Variants in ADCY10 observed in about 807,000 individuals in gnomAD.
ADCY10 encodes adenylate cyclase 10, also known as adenylate cyclase type 10.
A neutral mutation model predicts 183.3 loss-of-function variants in ADCY10; 156 were observed. The ratio of observed to expected loss-of-function variants is 0.85; its 90% CI spans 0.75 to 0.97. The LOEUF (loss-of-function observed/expected upper bound fraction) is 0.97, where lower values mean the gene tolerates loss of function less well. Ranked by LOEUF, ADCY10 falls within the 50% of genes least tolerant of loss-of-function variation. ADCY10 has a pLI of 0.00. For synonymous variants in ADCY10, 645 were observed against 670.0 expected, an observed-to-expected ratio of 0.96 and a Z score of 0.58; for missense variants, 1,745 against 1,934.3, an observed-to-expected ratio of 0.90 and a Z score of 1.84.
intron 21 of ADCY10, among the ~76,000 whole-genome samples, chr1:167,838,345 C>A (rs192979205): frequency 6.6e-6 from 1 of 152,306 alleles, no homozygotes; most frequent in Admixed American, 6.5e-5. Flanking sequence ...TGAATTATGA[C>A]CCTGTCCCCC....
chr1:167,828,282 G>A (rs1004375120), intron 26 of ADCY10, among the ~76,000 whole-genome samples: 1 of 152,122 alleles, frequency 6.6e-6, no homozygotes, highest in African/African-American at 2.4e-5. Flanking sequence ...GATTCTCCTT[G>A]GAACCACTTG....
At chr1:167,907,848 A>C (rs977780364) in intron 1 of ADCY10, among the ~76,000 whole-genome samples, 1 of 152,256 alleles carries the variant, frequency 6.6e-6, no homozygotes, top group African/African-American at 2.4e-5. Context: ...ACAAAATTAT[A>C]GGAATAAAGA....
chr1:167,888,550 T>G (rs1180378017), intron 8 of ADCY10, among the ~76,000 whole-genome samples: 1 of 152,210 alleles, frequency 6.6e-6, no homozygotes, highest in East Asian at 1.9e-4. Flanking sequence ...TCTTGATTTC[T>G]TTTTCAGATT....
At chr1:167,888,557 G>T (rs1668382119) in intron 8 of ADCY10, among the ~76,000 whole-genome samples, 2 of 151,920 alleles carry the variant, frequency 1.3e-5, no homozygotes. Flanking sequence ...TTCTTTTTCA[G>T]ATTGTTCCCT....
intron 21 of ADCY10, among the ~76,000 whole-genome samples, chr1:167,840,063 A>G (rs962628381): frequency 5.3e-5 from 8 of 151,726 alleles, no homozygotes; most frequent in African/African-American, 9.7e-5. Context: ...TAAAAAAAAA[A>G]AAAAGAAAAG....
In ADCY10 at chr1:167,880,184, A is replaced by C; in HGVS notation, c.1147T>G (p.Ser383Ala). 6.2e-7 allele frequency: 1 copy of C among 1,612,846 alleles called. No individual in the cohort carries two copies. Among genetic ancestry groups the C allele is most frequent in the Non-Finnish European group, 8.5e-7 (1 of 1,179,390 alleles). Residue 383 changes from serine to alanine, a missense_variant, in exon 11 of 33, where the codon TCC becomes GCC. By Grantham distance (99) the Ser-to-Ala change is moderately conservative (BLOSUM62 1). Coordinates refer to ENST00000367851, the MANE Select transcript of ADCY10 (RefSeq NM_018417.6). The part of the protein sequence containing the change: ...CSQVHKIQTV[S>A]IGVASGIVFC... ...ACAATCCCACTGGCAACACCGATGG[A>C]TACAGTTCTGGTGCAGGGGAGACAA...
At chr1:167,833,335 A>G (rs1663920094) in intron 24 of ADCY10, among the ~76,000 whole-genome samples, 173 bp from the exon 25 acceptor site, 1 of 152,214 alleles carries the variant, frequency 6.6e-6, no homozygotes, top group Non-Finnish European at 1.5e-5. Context: ...GGATATATGC[A>G]TGAAGGGTGG....
intron 31 of ADCY10, among the ~76,000 whole-genome samples, chr1:167,812,684 C>A (rs940766390): frequency 6.6e-6 from 1 of 152,168 alleles, no homozygotes. Context: ...TGAAAAAGAC[C>A]TAATGGCAGA....
rs561783157 is a variant in ADCY10, at chr1:167,852,139, T to C, written c.2308+2214A>G. ...TTTAAATAGAGAAGACACCTGATTG[T>C]GTTTTAAAAAGCTCATAACAGGGCC... On this transcript the variant is annotated intron_variant, in intron 18 of 32. Coordinates refer to ENST00000367851, the MANE Select transcript of ADCY10 (RefSeq NM_018417.6). Among the ~76,000 whole-genome samples, 8 of 152,236 alleles carry C rather than the reference T, an allele frequency of 5.3e-5. 1 individual carries two copies. In the South Asian group the frequency reaches 1.7e-3, roughly 32 times the overall value.
chr1:167,883,178 C>G (rs561944178), intron 9 of ADCY10, among the ~76,000 whole-genome samples: 1 of 152,376 alleles, frequency 6.6e-6, no homozygotes, highest in South Asian at 2.1e-4. Flanking sequence ...GCTGAGATTA[C>G]AGGCACGTGC....
intron 14 of ADCY10, among the ~76,000 whole-genome samples, chr1:167,865,186 A>T (rs1214922616): frequency 6.6e-6 from 1 of 152,200 alleles, no homozygotes; most frequent in Non-Finnish European, 1.5e-5. Context: ...TACTTTTGGT[A>T]AAAAGATTAG....
intron 14 of ADCY10, among the ~76,000 whole-genome samples, chr1:167,865,832 C>T (rs1429825031): frequency 2.0e-5 from 3 of 152,230 alleles, no homozygotes; most frequent in Non-Finnish European, 2.9e-5. Flanking sequence ...CATTGTCCCC[C>T]TTCCACTAAA....
rs765556514 is a variant in ADCY10 at position 167,880,612 on chromosome 1, G to T, written c.1021-3C>A. Reference sequence around the variant, plus strand: ...AAGACACAGAGGAAAGAGCAGCCCTGTGAGGGAGAGAGACAGCAACCACAG... The same window carrying T: ...AAGACACAGAGGAAAGAGCAGCCCTTTGAGGGAGAGAGACAGCAACCACAG... On this transcript the variant is annotated splice_region_variant and splice_polypyrimidine_tract_variant and intron_variant, in intron 9 of 32. Coordinates refer to ENST00000367851, the MANE Select transcript of ADCY10 (RefSeq NM_018417.6). 6.2e-7 allele frequency: 1 copy of T among 1,603,860 alleles called. No individual in the cohort carries two copies. The highest frequency in any genetic ancestry group is 1.1e-5 in the South Asian group (1 of 90,890).
chr1:167,881,363 A>C (rs143408457), intron 9 of ADCY10, among the ~76,000 whole-genome samples: 2 of 152,336 alleles, frequency 1.3e-5, no homozygotes, highest in East Asian at 3.9e-4. Flanking sequence ...AGTTTTTGAC[A>C]TGTTACATCC....
chr1:167,826,952 A>T (rs567972094), intron 26 of ADCY10, among the ~76,000 whole-genome samples: 5 of 152,226 alleles, frequency 3.3e-5, no homozygotes, highest in African/African-American at 9.6e-5. Flanking sequence ...CTAGAAGAGG[A>T]TGGGAAATAG....
chr1:167,874,213 C>T (rs1319834584), intron 13 of ADCY10, among the ~76,000 whole-genome samples: 1 of 152,126 alleles, frequency 6.6e-6, no homozygotes, highest in Non-Finnish European at 1.5e-5. Context: ...CACCTGTAAT[C>T]CCAGCTACTC....
intron 14 of ADCY10, among the ~76,000 whole-genome samples, chr1:167,864,804 A>C (rs1666564438): frequency 6.6e-6 from 1 of 151,986 alleles, no homozygotes; most frequent in South Asian, 2.1e-4. Context: ...TCCCGAAAGC[A>C]CTGAGGCCTT....
chr1:167,874,776 T>C (rs188560515), intron 13 of ADCY10, among the ~76,000 whole-genome samples: 1 of 152,134 alleles, frequency 6.6e-6, no homozygotes, highest in African/African-American at 2.4e-5. Flanking sequence ...GAATACTACA[T>C]AGTAATGACA....
At position 167,854,420 on chromosome 1, in the gene ADCY10, A is replaced by T. The variant is rs532016845; in HGVS notation, c.2241T>A (p.His747Gln). 1 of 1,614,196 alleles carries T rather than the reference A, an allele frequency of 6.2e-7. No homozygotes were observed. The change falls in exon 18 of 33, where the codon CAT (histidine) becomes CAA (glutamine). Residue 747 changes from histidine (H) to glutamine (Q), a missense_variant. Physicochemically the swap from His to Gln is conservative, Grantham distance 24. Coordinates refer to ENST00000367851, the MANE Select transcript of ADCY10 (RefSeq NM_018417.6). ...CEELLKNLEH[H>Q]EVLVFQQTES... ...CCGTTTGTTGGAAAACGAGTACCTC[A>T]TGATGTTCCAGGTTTTTAAGCAATT...
Sources: gnomAD v4.1 joint callset for allele counts (sites outside exome capture counted in the v4.1 genomes callset) on GRCh38, gnomAD v4.1.1 for gene constraint, MANE v1.5 for transcripts, NCBI Gene and HGNC (gene_info 2026-07-23, HGNC 2026-07-21) for gene names.